KPNA3: variants seen among roughly 807,000 people sequenced by gnomAD.
The protein encoded by KPNA3 is importin subunit alpha-4.
In KPNA3, 13 loss-of-function variants were observed where a neutral mutation model predicts 73.8. The observed-to-expected ratio is 0.18, with a 90% CI of 0.11 to 0.28. The LOEUF is 0.28. KPNA3 is among the 10% of genes least tolerant of loss of function. The pLI, the probability that KPNA3 is intolerant of heterozygous loss-of-function variation, is 1.00. For missense variants in KPNA3, 360 were observed against 618.1 expected (o/e 0.58, Z 4.43); for synonymous variants, 186 against 206.9 (o/e 0.90, Z 0.87).
intron 6 of KPNA3, among the ~76,000 whole-genome samples, chr13:49,731,735 CAA>C (rs1954471641): frequency 6.6e-6 from 1 of 152,086 alleles, no homozygotes; most frequent in Non-Finnish European, 1.5e-5. Flanking sequence ...TCCAAATTAA[CAA>C]AGTTTAAGGC....
chr13:49,732,317 C>A, intron 6 of KPNA3, 54 bp downstream of exon 6: 1 of 857,454 alleles, frequency 1.2e-6, no homozygotes, highest in South Asian at 1.8e-5. Flanking sequence ...AGTAATAATC[C>A]AAACTTTTAA....
chr13:49,737,149 A>G (rs1262192031), intron 2 of KPNA3, among the ~76,000 whole-genome samples: 2 of 152,204 alleles, frequency 1.3e-5, no homozygotes, highest in Non-Finnish European at 2.9e-5. Flanking sequence ...TAAAAAATAA[A>G]GTTGCTATAT....
chr13:49,707,240 A>C (rs1954216156), intron 12 of KPNA3, among the ~76,000 whole-genome samples: 1 of 152,208 alleles, frequency 6.6e-6, no homozygotes, highest in Non-Finnish European at 1.5e-5. Flanking sequence ...TAAGTCATAA[A>C]CACGTCTGTG....
chr13:49,737,572 TGTGTGTGTGTGTGTGTG>T (rs1954535361), intron 2 of KPNA3, among the ~76,000 whole-genome samples: 1 of 8,662 alleles, frequency 1.2e-4, no homozygotes, highest in African/African-American at 1.6e-4. Flanking sequence ...TGTGTGTGTG[TGTGTGTGTGTGTGTGTG>T]TGTGTGTGTG....
chr13:49,705,554 A>C, intron 15 of KPNA3, 67 bp downstream of exon 15: 2 of 1,486,752 alleles, frequency 1.3e-6, no homozygotes, highest in South Asian at 2.5e-5. Flanking sequence ...TAGTAAGTTG[A>C]CTTTAAAGAA....
At chr13:49,725,803 G>C (rs917897278) in intron 6 of KPNA3, among the ~76,000 whole-genome samples, 2 of 152,004 alleles carry the variant, frequency 1.3e-5, no homozygotes, top group African/African-American at 4.8e-5. Flanking sequence ...CACCACACCT[G>C]GCTCATTTTT....
chr13:49,786,963 AGAG>A (rs1266628648), intron 1 of KPNA3, among the ~76,000 whole-genome samples: 1 of 152,226 alleles, frequency 6.6e-6, no homozygotes, highest in Non-Finnish European at 1.5e-5. Flanking sequence ...AACTAGGGGC[AGAG>A]GAAGTAAGGT....
intron 1 of KPNA3, among the ~76,000 whole-genome samples, chr13:49,769,014 G>C (rs1343356583): frequency 6.6e-6 from 1 of 152,132 alleles, no homozygotes; most frequent in African/African-American, 2.4e-5. Context: ...ACCAACTCAT[G>C]AATTTCACAA....
intron 1 of KPNA3, among the ~76,000 whole-genome samples, chr13:49,774,134 C>T (rs191742763): frequency 3.3e-5 from 5 of 151,784 alleles, no homozygotes; most frequent in East Asian, 1.9e-4. Flanking sequence ...CAAACTCCTG[C>T]GCTCAAGTGA....
Position 49,792,538 on chromosome 13 carries a change from TGCGGCTGCG to T in KPNA3, c.-41_-33del, listed in dbSNP as rs1566366038. The T allele has an allele frequency of 7.5e-7, 1 of 1,340,984 alleles. No homozygotes were observed. The highest frequency in any genetic ancestry group is 1.8e-5 in the African/African-American group (1 of 56,046). The allele number at this position is 1,340,984 out of a possible 1,614,324, so 83.1% of individuals were successfully genotyped here. ...GCGCGGCTCCGGCGGCGGCTACTCC[TGCGGCTGCG>T]GCGGCGGCGGCGGCGAATCTTGGAG... On this transcript the variant is annotated 5_prime_UTR_variant, in exon 1 of 17. Coordinates refer to ENST00000261667, the MANE Select transcript of KPNA3 (RefSeq NM_002267.4).
chr13:49,758,938 T>C (rs1954735499), intron 1 of KPNA3, among the ~76,000 whole-genome samples: 2 of 152,262 alleles, frequency 1.3e-5, no homozygotes, highest in Non-Finnish European at 2.9e-5. Context: ...AACTGGTTCA[T>C]TCCAACTAAT....
At chr13:49,737,547 TTAAG>T (rs1156966879) in intron 2 of KPNA3, among the ~76,000 whole-genome samples, 2 of 147,586 alleles carry the variant, frequency 1.4e-5, no homozygotes, top group Non-Finnish European at 3.0e-5. Context: ...TTTCTTACTA[TTAAG>T]TGTGTGTGTC....
intron 1 of KPNA3, among the ~76,000 whole-genome samples, chr13:49,757,016 C>A (rs1954717264): frequency 6.6e-6 from 1 of 152,046 alleles, no homozygotes; most frequent in Non-Finnish European, 1.5e-5. Context: ...AAAATATTAA[C>A]CCTGACTTAA....
At chr13:49,744,473 T>C (rs949930126) in intron 2 of KPNA3, among the ~76,000 whole-genome samples, 11 of 152,324 alleles carry the variant, frequency 7.2e-5, no homozygotes, top group African/African-American at 9.6e-5. Flanking sequence ...TAATAGATAA[T>C]AGACAAAATA....
intron 2 of KPNA3, among the ~76,000 whole-genome samples, chr13:49,740,583 G>T (rs1348890393): frequency 1.3e-5 from 2 of 152,106 alleles, no homozygotes; most frequent in Non-Finnish European, 2.9e-5. Context: ...TGTCATATGG[G>T]ATGTGCCTTT....
At chr13:49,703,017 C>T (rs554659394) in intron 15 of KPNA3, among the ~76,000 whole-genome samples, 8 of 151,930 alleles carry the variant, frequency 5.3e-5, no homozygotes, top group South Asian at 2.1e-4. Flanking sequence ...TACAGGCGCC[C>T]GCCACCACAC....
intron 2 of KPNA3, among the ~76,000 whole-genome samples, chr13:49,744,508 T>C (rs932435340): frequency 1.3e-5 from 2 of 152,230 alleles, no homozygotes; most frequent in African/African-American, 2.4e-5. Flanking sequence ...TGTTAATCCA[T>C]TGATGATTGA....
chr13:49,762,116 GCCCCCGCCCGGCC>G (rs1954769573), intron 1 of KPNA3, among the ~76,000 whole-genome samples: 1 of 114,924 alleles, frequency 8.7e-6, no homozygotes, highest in Non-Finnish European at 1.6e-5. Context: ...GTGGGGGGCA[GCCCCCGCCCGGCC>G]AGCCTCCCCG....
intron 1 of KPNA3, among the ~76,000 whole-genome samples, chr13:49,759,084 T>C (rs1954736731): frequency 6.6e-6 from 1 of 152,168 alleles, no homozygotes; most frequent in Non-Finnish European, 1.5e-5. Flanking sequence ...ACAATACAAT[T>C]ATTATCAATT....
Sources: gnomAD v4.1 joint callset for allele counts (sites outside exome capture counted in the v4.1 genomes callset) on GRCh38, gnomAD v4.1.1 for gene constraint, MANE v1.5 for transcripts, NCBI Gene and HGNC (gene_info 2026-07-23, HGNC 2026-07-21) for gene names.